Variants in DENND3 observed in about 807,000 individuals in gnomAD.
The protein encoded by DENND3 is DENN domain containing 3.
In DENND3, 88 loss-of-function variants were observed where a neutral mutation model predicts 135.1. The observed-to-expected ratio is 0.65, with a 90% CI of 0.55 to 0.78. DENND3 has a LOEUF of 0.78. Ranked by LOEUF, DENND3 falls within the 30% of genes least tolerant of loss-of-function variation. DENND3 has a pLI of 0.00. For missense variants in DENND3, 1,392 were observed against 1,688.4 expected (o/e 0.82, Z 3.08); for synonymous variants, 693 against 712.3 (o/e 0.97, Z 0.43).
At chr8:141,151,567 A>ATT (rs878896784) in intron 6 of DENND3, 52 bp from the exon 7 acceptor site, 165 of 1,305,124 alleles carry the variant, frequency 1.3e-4, no homozygotes, top group African/African-American at 8.0e-4. Context: ...CCCTGTCTGT[A>ATT]TTTTTTTTTT....
chr8:141,136,587 A>G lies in DENND3; in HGVS notation c.181A>G (p.Ile61Val), dbSNP rs759289522. 2 of 1,586,432 alleles carry G rather than the reference A, an allele frequency of 1.3e-6. No individual in the cohort carries two copies. Among genetic ancestry groups the G allele is most frequent in the Non-Finnish European group, 1.7e-6 (2 of 1,166,462 alleles). Residue 61 changes from isoleucine (I) to valine (V), a missense_variant, in exon 2 of 23, where the codon ATC (isoleucine) becomes GTC (valine). Coordinates refer to ENST00000519811, the MANE Select transcript of DENND3 (RefSeq NM_001352890.3). ...EVLSIFVPPFISKEDSQMAGA... is the reference protein window; with the variant it reads ...EVLSIFVPPFVSKEDSQMAGA... ...CCTGTCCATTTTCGTGCCTCCTTTT[A>G]TCAGTAAAGAGGACAGTCAAATGGC...
chr8:141,172,355 G>A (rs1270035858), intron 13 of DENND3, among the ~76,000 whole-genome samples: 2 of 152,142 alleles, frequency 1.3e-5, no homozygotes, highest in Non-Finnish European at 2.9e-5. Context: ...GGTGGCAGCT[G>A]CGGTGAGTGT....
At position 141,150,925 on chromosome 8, in the gene DENND3, T is replaced by C; in HGVS notation, c.827T>C (p.Leu276Pro). The C allele has an allele frequency of 1.9e-6, 3 of 1,607,592 alleles. No individual in the cohort carries two copies. The highest frequency in any genetic ancestry group is 4.5e-5 in the East Asian group (2 of 44,360). Reference protein sequence around the residue: ...ILDLDLHLPLLCFRPEKVLQI... With the variant: ...ILDLDLHLPLPCFRPEKVLQI... The stretch of plus-strand genomic sequence containing the variant: ...GACCTGGACCTTCACCTGCCCTTGC[T>C]GTGCTTCAGGCCTGAGAAGGTGCTA... Residue 276 changes from leucine (L) to proline (P), a missense_variant, in exon 6 of 23, where the codon CTG becomes CCG. Transcript: ENST00000519811.
rs565742510 is a variant in DENND3, at chr8:141,170,864, G to A, written c.2275+2339G>A. 5.4e-4 allele frequency among the ~76,000 whole-genome samples: 82 copies of A among 152,266 alleles called. 1 individual carries two copies. Among genetic ancestry groups the A allele is most frequent in the African/African-American group, 1.6e-3 (66 of 41,562 alleles). Reference sequence around the variant, plus strand: ...GGCCTGGAGCGGCCTGCTGTCTCCCGGTCACGAGCCAGCCCGTGGGCATCA... The same window carrying A: ...GGCCTGGAGCGGCCTGCTGTCTCCCAGTCACGAGCCAGCCCGTGGGCATCA... On this transcript the variant is annotated intron_variant, in intron 13 of 22. Transcript: ENST00000519811.
intron 19 of DENND3, among the ~76,000 whole-genome samples, chr8:141,189,653 C>G (rs970001743): frequency 1.4e-4 from 22 of 152,176 alleles, no homozygotes; most frequent in Non-Finnish European, 3.1e-4. Context: ...CCCACTTGGT[C>G]CAGGCAGCCC....
At chr8:141,135,072 G>A (rs986156974) in intron 1 of DENND3, among the ~76,000 whole-genome samples, 1 of 151,992 alleles carries the variant, frequency 6.6e-6, no homozygotes, top group Non-Finnish European at 1.5e-5. Context: ...ATCTGACCTC[G>A]TGATCTGCCC....
chr8:141,142,052 G>A (rs1817526985), intron 4 of DENND3: 1 of 287,450 alleles, frequency 3.5e-6, no homozygotes, highest in South Asian at 2.8e-5. Flanking sequence ...ATCTTGTTTT[G>A]TAGAATCTGT....
At chr8:141,152,330 A>G (rs1818879756) in intron 7 of DENND3, among the ~76,000 whole-genome samples, 1 of 152,202 alleles carries the variant, frequency 6.6e-6, no homozygotes, top group Non-Finnish European at 1.5e-5. Context: ...TAGGATATTT[A>G]TAGAGTTGTG....
chr8:141,141,291 C>T lies in DENND3; in HGVS notation c.590C>T (p.Pro197Leu), dbSNP rs1396902563. 6.2e-7 allele frequency: 1 copy of T among 1,613,886 alleles called. No homozygotes were observed. Among genetic ancestry groups the T allele is most frequent in the African/African-American group, 1.3e-5 (1 of 74,884 alleles). The change falls in exon 4 of 23, where the codon CCC (proline) becomes CTC (leucine). Residue 197 changes from proline to leucine, a missense_variant. Transcript: ENST00000519811. The surrounding 1 kb of genome is among the most constrained non-coding windows in gnomAD (Gnocchi z 5.3). ...PFAVCVVSRF[P>L]YYNSLKDCLS... ...GCGGTGTGCGTGGTCTCCAGGTTTC[C>T]CTATTACAACTCCCTCAAGGACTGC...
In DENND3 at chr8:141,132,063, C is replaced by G. The variant is rs1416250813; in HGVS notation, c.102+3254C>G. Reference sequence around the variant, plus strand: ...ACTTGAGAACCACCCACACATCTCTCAGGAGGAGGCTGGGTCAATACATGA... The same window carrying G: ...ACTTGAGAACCACCCACACATCTCTGAGGAGGAGGCTGGGTCAATACATGA... On this transcript the variant is annotated intron_variant, in intron 1 of 22. Transcript: ENST00000519811. 2.0e-5 allele frequency among the ~76,000 whole-genome samples: 3 copies of G among 152,142 alleles called. No individual in the cohort carries two copies. In the East Asian group the frequency reaches 5.8e-4, roughly 29 times the overall value.
At position 141,166,450 on chromosome 8, in the gene DENND3, T is replaced by G; in HGVS notation, c.1753+61T>G. On this transcript the variant is annotated intron_variant, in intron 12 of 22. Coordinates refer to ENST00000519811, the MANE Select transcript of DENND3 (RefSeq NM_001352890.3). This position sits in a 1 kb window ranked among gnomAD's most constrained non-coding sequence, Gnocchi z 4.3. ...GTCCCACCATTCCTGCACCTGCAAG[T>G]CATTGAGCAAAACTGGGACTTGTTT... The G allele has an allele frequency of 6.5e-7, 1 of 1,531,446 alleles. No individual in the cohort carries two copies. The highest frequency in any genetic ancestry group is 8.8e-7 in the Non-Finnish European group (1 of 1,138,060). 94.9% of individuals were successfully genotyped at this position (1,531,446 alleles called of 1,614,324 possible).
At chr8:141,176,287 CA>C (rs1274747351) in intron 14 of DENND3, 1,982 of 150,856 alleles carry the variant, frequency 0.013, 1 homozygote, top group East Asian at 0.029. Flanking sequence ...AAAAACAAAA[CA>C]AAAAAAAAAA....
rs558882096 is a variant in DENND3 at position 141,190,623 on chromosome 8, T to C, written c.3379+206T>C. The C allele has an allele frequency of 8.3e-4, 571 of 691,494 alleles. 3 individuals are homozygous for C. Among genetic ancestry groups the C allele is most frequent in the Non-Finnish European group, 2.3e-4 (103 of 452,294 alleles). 42.8% of individuals were successfully genotyped at this position (691,494 alleles called of 1,614,324 possible). On this transcript the variant is annotated intron_variant, in intron 20 of 22. Coordinates refer to ENST00000519811, the MANE Select transcript of DENND3 (RefSeq NM_001352890.3). Reference sequence around the variant, plus strand: ...GGCTCCCCAGGCCTCCCTCTGCCTTTCTACCCAGCGGCTGACGGGATGCCT... The same window carrying C: ...GGCTCCCCAGGCCTCCCTCTGCCTTCCTACCCAGCGGCTGACGGGATGCCT...
chr8:141,189,253 G>C, intron 19 of DENND3, 107 bp downstream of exon 19: 1 of 1,453,178 alleles, frequency 6.9e-7, no homozygotes, highest in Non-Finnish European at 9.4e-7. Flanking sequence ...CAGGCGGGGC[G>C]TACAGAGTGA....
chr8:141,192,526 G>C lies in DENND3; in HGVS notation c.3499G>C (p.Glu1167Gln), dbSNP rs755772604. The C allele has an allele frequency of 6.3e-7, 1 of 1,598,902 alleles. No individual in the cohort carries two copies. The highest frequency in any genetic ancestry group is 1.7e-5 in the Admixed American group (1 of 58,384). Residue 1167 changes from glutamate (E) to glutamine (Q), a missense_variant and splice_region_variant, in exon 22 of 23, where the codon GAG becomes CAG. By Grantham distance (29) the Glu-to-Gln change is conservative. Transcript: ENST00000519811. Reference protein sequence around the residue: ...SFLAFQLLPEEEQLWAACAGR... With the variant: ...SFLAFQLLPEQEQLWAACAGR... ...GCCCACACCGTGCCCTGCGTTTCAG[G>C]AGGAGCAGCTGTGGGCGGCCTGTGC...
Position 141,136,748 on chromosome 8 carries a change from G to T in DENND3, c.342G>T (p.Pro114=). Residue 114 remains proline (P), a synonymous_variant, in exon 2 of 23, where the codon CCG becomes CCT. Coordinates refer to ENST00000519811, the MANE Select transcript of DENND3 (RefSeq NM_001352890.3). ...CAGAGCCTGAGGATGTCGCCGTCCC[G>T]GGCGGCGTGGACCTCCTCACCCTGC... ...RAPEPEDVAV[P]GGVDLLTLPQ... The T allele has an allele frequency of 6.3e-7, 1 of 1,596,916 alleles. No homozygotes were observed. Among genetic ancestry groups the T allele is most frequent in the East Asian group, 2.3e-5 (1 of 44,200 alleles).
In DENND3 at chr8:141,137,569, A is replaced by G. The variant is rs1381794100; in HGVS notation, c.386-453A>G. Among the ~76,000 whole-genome samples, 1 of 152,150 alleles carries G rather than the reference A, an allele frequency of 6.6e-6. No individual in the cohort carries two copies. Among genetic ancestry groups the G allele is most frequent in the East Asian group, 1.9e-4 (1 of 5,204 alleles). ...ACTGGGGCAAGAAGCACAGGCCTGC[A>G]CTTAGTCCCCAGGCTCGCCAGTTCC... On this transcript the variant is annotated intron_variant, in intron 2 of 22. Transcript: ENST00000519811. This position sits in a 1 kb window ranked among gnomAD's most constrained non-coding sequence, Gnocchi z 4.1.
In DENND3 at chr8:141,194,063, G is replaced by A. The variant is rs1474640503; in HGVS notation, c.3667G>A (p.Gly1223Arg). ...GGTGGGCAGCCGAGGGCTGGGGCAG[G>A]GAACACCCAAGGGGAAAATCTACGT... ...VWVGSRGLGQ[G>R]TPKGKIYVID... The change falls in exon 23 of 23, where the codon GGA becomes AGA. Residue 1223 changes from glycine to arginine, a missense_variant. By Grantham distance (125) the Gly-to-Arg change is moderately radical. Coordinates refer to ENST00000519811, the MANE Select transcript of DENND3 (RefSeq NM_001352890.3). 6.2e-7 allele frequency: 1 copy of A among 1,613,878 alleles called. No individual in the cohort carries two copies. The highest frequency in any genetic ancestry group is 8.5e-7 in the Non-Finnish European group (1 of 1,180,020).
At chr8:141,183,736 GT>G (rs770129781) in intron 17 of DENND3, among the ~76,000 whole-genome samples, 5,593 of 121,648 alleles carry the variant, frequency 0.046, 342 homozygotes, top group African/African-American at 0.15. Flanking sequence ...TTTTTGTTTT[GT>G]TTTTTTTTTT....
Sources: gnomAD v4.1 joint callset for allele counts (sites outside exome capture counted in the v4.1 genomes callset) on GRCh38, gnomAD v4.1.1 for gene constraint, Gnocchi (gnomAD v3.1) non-coding constraint, MANE v1.5 for transcripts, NCBI Gene and HGNC (gene_info 2026-07-23, HGNC 2026-07-21) for gene names.